Variants in AGBL4 observed in about 807,000 individuals in gnomAD.
The protein encoded by AGBL4 is AGBL carboxypeptidase 4, also known as cytosolic carboxypeptidase 6.
A neutral mutation model predicts 66.4 loss-of-function variants in AGBL4; 58 were observed. The ratio of observed to expected loss-of-function variants is 0.87; its 90% CI spans 0.71 to 1.09. AGBL4 has a LOEUF of 1.09. Ranked by LOEUF, AGBL4 falls within the 50% of genes least tolerant of loss-of-function variation. The probability of loss-of-function intolerance (pLI) is 0.00; values close to 1 mark genes in which losing one functional copy is unlikely to be tolerated. For synonymous variants in AGBL4, 234 were observed against 222.9 expected (o/e 1.05, Z -0.44); for missense variants, 579 against 631.0 (o/e 0.92, Z 0.88).
intron 6 of AGBL4, among the ~76,000 whole-genome samples, chr1:48,780,580 A>G (rs966431203): frequency 6.6e-6 from 1 of 152,190 alleles, no homozygotes; most frequent in Non-Finnish European, 1.5e-5. Context: ...CAAAACAGGT[A>G]TATAGACCAA....
intron 11 of AGBL4, among the ~76,000 whole-genome samples, chr1:48,574,606 G>A (rs545048513): frequency 6.7e-6 from 1 of 149,764 alleles, no homozygotes; most frequent in South Asian, 2.1e-4. Flanking sequence ...CTGACTCATG[G>A]CCAAAACTGC....
At chr1:49,665,289 T>C (rs757475685) in intron 3 of AGBL4, among the ~76,000 whole-genome samples, 1 of 152,122 alleles carries the variant, frequency 6.6e-6, no homozygotes, top group Non-Finnish European at 1.5e-5. Flanking sequence ...ATGGCCTGTT[T>C]TTTTTGTTTT....
At chr1:49,007,493 C>T (rs1180874902) in intron 5 of AGBL4, among the ~76,000 whole-genome samples, 1 of 148,770 alleles carries the variant, frequency 6.7e-6, no homozygotes, top group Non-Finnish European at 1.5e-5. Context: ...TCTAGCAAGG[C>T]AGGCCAACGT....
intron 3 of AGBL4, among the ~76,000 whole-genome samples, chr1:49,399,993 C>A (rs1645050148): frequency 6.6e-6 from 1 of 151,964 alleles, no homozygotes. Flanking sequence ...AGATTTAAGT[C>A]TTTAATCCAT....
rs759183824 is a variant in AGBL4, at chr1:49,172,833, A to C, written c.377+72937T>G. On this transcript the variant is annotated intron_variant, in intron 4 of 13. Coordinates refer to ENST00000371839, the MANE Select transcript of AGBL4 (RefSeq NM_032785.4). ...AAAAGCATCATGAGATTTGGATATA[A>C]TAGTACTCTAGGCTGGGCGCAGTGG... is the stretch of plus-strand genomic sequence containing the variant. Among the ~76,000 whole-genome samples, 4 of 152,182 alleles carry C rather than the reference A, an allele frequency of 2.6e-5. No individual in the cohort carries two copies. In the East Asian group the frequency reaches 5.8e-4, roughly 22 times the overall value.
chr1:49,824,994 C>T (rs1415049895), intron 2 of AGBL4, among the ~76,000 whole-genome samples: 1 of 152,014 alleles, frequency 6.6e-6, no homozygotes, highest in Non-Finnish European at 1.5e-5. Flanking sequence ...GATTTTTTTT[C>T]TCCACTCATA....
At chr1:49,949,728 C>G (rs1655900171) in intron 1 of AGBL4, among the ~76,000 whole-genome samples, 1 of 151,288 alleles carries the variant, frequency 6.6e-6, no homozygotes, top group African/African-American at 2.4e-5. Context: ...ATGCAGTGAA[C>G]AGGGAACACT....
chr1:48,942,215 C>T (rs746208079), intron 5 of AGBL4, among the ~76,000 whole-genome samples: 1 of 152,010 alleles, frequency 6.6e-6, no homozygotes, highest in African/African-American at 2.4e-5. Context: ...TGAGAAGGTG[C>T]CTTTGAAAAG....
At chr1:49,519,680 T>C (rs567695694) in intron 3 of AGBL4, among the ~76,000 whole-genome samples, 5 of 152,200 alleles carry the variant, frequency 3.3e-5, no homozygotes, top group Admixed American at 3.3e-4. Flanking sequence ...ACTCTACAGG[T>C]ATTAAAAACA....
At chr1:49,422,789 C>T (rs1645572718) in intron 3 of AGBL4, among the ~76,000 whole-genome samples, 1 of 152,188 alleles carries the variant, frequency 6.6e-6, no homozygotes, top group South Asian at 2.1e-4. Flanking sequence ...TCCCCACCCC[C>T]TTACCACAAA....
intron 3 of AGBL4, among the ~76,000 whole-genome samples, chr1:49,680,696 G>A (rs1318740516): frequency 6.6e-6 from 1 of 151,760 alleles, no homozygotes; most frequent in Non-Finnish European, 1.5e-5. Context: ...TCTTGCCATG[G>A]TTTTATTTGG....
intron 11 of AGBL4, among the ~76,000 whole-genome samples, chr1:48,546,488 G>C (rs929389524): frequency 6.6e-6 from 1 of 152,196 alleles, no homozygotes. Flanking sequence ...AGTATCAGCA[G>C]AGAAACGGAG....
rs962592091 is a variant in AGBL4 at position 49,849,034 on chromosome 1, A to G, written c.157+2362T>C. 2.6e-5 allele frequency among the ~76,000 whole-genome samples: 4 copies of G among 152,296 alleles called. No individual in the cohort carries two copies. The East Asian group carries it at 5.8e-4, about 22-fold the overall frequency. ...GTTACTGGACAACATGGTTAAAAAA[A>G]GGTGGGGGGATGAGTTCAGGGATTC... On this transcript the variant is annotated intron_variant, in intron 2 of 13. Transcript: ENST00000371839.
intron 1 of AGBL4, among the ~76,000 whole-genome samples, chr1:49,948,438 T>TATATATAA (rs1478388594): frequency 1.9e-5 from 2 of 103,612 alleles, no homozygotes; most frequent in Non-Finnish European, 3.6e-5. Context: ...AATATATAAA[T>TATATATAA]ATATATAAAT....
intron 3 of AGBL4, among the ~76,000 whole-genome samples, chr1:49,636,676 G>A (rs1249174519): frequency 2.0e-5 from 3 of 152,124 alleles, no homozygotes; most frequent in Non-Finnish European, 4.4e-5. Context: ...AGAAAAATAG[G>A]TAATAAAAAT....
intron 6 of AGBL4, among the ~76,000 whole-genome samples, chr1:48,801,887 C>T (rs1364388281): frequency 6.7e-6 from 1 of 149,218 alleles, no homozygotes; most frequent in Non-Finnish European, 1.5e-5. Context: ...CCATTTCTCA[C>T]TCTGGCCTTG....
chr1:49,707,169 G>A (rs2124644084), intron 2 of AGBL4, among the ~76,000 whole-genome samples: 1 of 152,198 alleles, frequency 6.6e-6, no homozygotes, highest in East Asian at 1.9e-4. Flanking sequence ...CTATTACTGT[G>A]TGGGAGTCTG....
At chr1:49,790,245 T>C (rs1404833379) in intron 2 of AGBL4, among the ~76,000 whole-genome samples, 4 of 151,594 alleles carry the variant, frequency 2.6e-5, no homozygotes, top group Non-Finnish European at 5.9e-5. Flanking sequence ...GAGCCTGTAG[T>C]GTCAACTACT....
intron 6 of AGBL4, among the ~76,000 whole-genome samples, chr1:48,677,955 C>G (rs77539295): frequency 0.042 from 6,341 of 152,296 alleles, 298 homozygotes; most frequent in African/African-American, 0.11. Flanking sequence ...AGAATGGGAA[C>G]TGGTAGGCTA....
Sources: gnomAD v4.1 joint callset for allele counts (sites outside exome capture counted in the v4.1 genomes callset) on GRCh38, gnomAD v4.1.1 for gene constraint, MANE v1.5 for transcripts, NCBI Gene and HGNC (gene_info 2026-07-23, HGNC 2026-07-21) for gene names.